The following HS3ST2 variants were observed in gnomAD, a reference collection of about 807,000 sequenced individuals.
The protein encoded by HS3ST2 is heparan sulfate-glucosamine 3-sulfotransferase 2.
HS3ST2 carries 17 observed loss-of-function variants against 26.3 expected under a neutral mutation model. That is an observed-to-expected ratio of 0.65 (90% confidence interval 0.44 to 0.97). The LOEUF is 0.97. HS3ST2 is among the 50% of genes least tolerant of loss of function. HS3ST2 has a pLI of 0.00. For missense variants in HS3ST2, 402 were observed against 501.2 expected (o/e 0.80, Z 1.89); for synonymous variants, 237 against 219.2 (o/e 1.08, Z -0.72).
At chr16:22,824,903 C>T (rs758048499) in intron 1 of HS3ST2, among the ~76,000 whole-genome samples, 9 of 152,090 alleles carry the variant, frequency 5.9e-5, no homozygotes, top group Non-Finnish European at 1.3e-4. Flanking sequence ...CAGATCAACC[C>T]TGAGGCTGAT....
chr16:22,912,123 C>T (rs142010112), intron 1 of HS3ST2, among the ~76,000 whole-genome samples: 5 of 152,214 alleles, frequency 3.3e-5, no homozygotes, highest in African/African-American at 1.2e-4. Context: ...GACTCTGTCA[C>T]GCACACACAC....
intron 1 of HS3ST2, among the ~76,000 whole-genome samples, chr16:22,905,538 G>T (rs1290787407): frequency 6.6e-6 from 1 of 151,858 alleles, no homozygotes; most frequent in African/African-American, 2.4e-5. Context: ...ATCTTCACCA[G>T]TACAAACAAT....
At chr16:22,829,561 A>G (rs932376039) in intron 1 of HS3ST2, among the ~76,000 whole-genome samples, 1 of 152,176 alleles carries the variant, frequency 6.6e-6, no homozygotes. Flanking sequence ...ACTGATTCAT[A>G]ACTGTTATAG....
chr16:22,832,268 A>G (rs1335450003), intron 1 of HS3ST2, among the ~76,000 whole-genome samples: 3 of 151,758 alleles, frequency 2.0e-5, no homozygotes, highest in Non-Finnish European at 4.4e-5. Context: ...AAGTGCTAGG[A>G]TCACAGGCAT....
chr16:22,856,920 A>G (rs1901604219), intron 1 of HS3ST2, among the ~76,000 whole-genome samples: 1 of 152,206 alleles, frequency 6.6e-6, no homozygotes, highest in Admixed American at 6.5e-5. Flanking sequence ...TGCAGGTGTC[A>G]TTCAAGGGTA....
intron 1 of HS3ST2, among the ~76,000 whole-genome samples, chr16:22,851,901 G>T (rs1901523957): frequency 6.6e-6 from 1 of 152,134 alleles, no homozygotes; most frequent in Non-Finnish European, 1.5e-5. Context: ...TGCTTATGGG[G>T]TTGTCCTTCT....
Position 22,814,750 on chromosome 16 carries a change from G to A in HS3ST2, c.140G>A (p.Ser47Asn). ...FLCCCDDLGR[S>N]RLLGAPRCLR... Reference sequence around the variant, plus strand: ...TGCTGCTGCGACGACCTGGGTCGGAGCCGCCTCCTCGGCGCGCCTCGCTGC... The same window carrying A: ...TGCTGCTGCGACGACCTGGGTCGGAACCGCCTCCTCGGCGCGCCTCGCTGC... The change falls in exon 1 of 2, where the codon AGC becomes AAC. Residue 47 changes from serine (S) to asparagine (N), a missense_variant. Coordinates refer to ENST00000261374, the MANE Select transcript of HS3ST2 (RefSeq NM_006043.2). 1 of 1,607,662 alleles carries A rather than the reference G, an allele frequency of 6.2e-7. No homozygotes were observed. Among genetic ancestry groups the A allele is most frequent in the Non-Finnish European group, 8.5e-7 (1 of 1,177,984 alleles).
intron 1 of HS3ST2, among the ~76,000 whole-genome samples, chr16:22,892,673 C>T (rs1902146654): frequency 6.6e-6 from 1 of 152,076 alleles, no homozygotes; most frequent in Admixed American, 6.6e-5. Context: ...TATCTTAATA[C>T]TTTGACAGGA....
chr16:22,850,264 C>T (rs1162006325), intron 1 of HS3ST2, among the ~76,000 whole-genome samples: 1 of 151,956 alleles, frequency 6.6e-6, no homozygotes, highest in Non-Finnish European at 1.5e-5. Context: ...GTGGCAGCAA[C>T]TGTAACTGTT....
In HS3ST2 at chr16:22,882,551, T is replaced by A. The variant is rs536320265; in HGVS notation, c.486-32393T>A. On this transcript the variant is annotated intron_variant, in intron 1 of 1. Coordinates refer to ENST00000261374, the MANE Select transcript of HS3ST2 (RefSeq NM_006043.2). ...GAGTTTGACACCAGCCTGGCCAGCA[T>A]GACGAAACCCTGTCTCCACTAAAAA... 3.3e-5 allele frequency among the ~76,000 whole-genome samples: 5 copies of A among 152,044 alleles called. No homozygotes were observed. In the South Asian group the frequency reaches 8.3e-4, roughly 25 times the overall value.
intron 1 of HS3ST2, among the ~76,000 whole-genome samples, chr16:22,819,025 T>C (rs1468863280): frequency 1.8e-5 from 1 of 55,518 alleles, no homozygotes; most frequent in African/African-American, 7.9e-5. Context: ...CTCCCTTCCT[T>C]CCTTCCTTCC....
At chr16:22,827,138 A>G (rs1901099771) in intron 1 of HS3ST2, among the ~76,000 whole-genome samples, 1 of 152,146 alleles carries the variant, frequency 6.6e-6, no homozygotes, top group Non-Finnish European at 1.5e-5. Flanking sequence ...TGGGAGAAGA[A>G]TGTTCTAGCA....
In HS3ST2 at chr16:22,897,870, A is replaced by G. The variant is rs919973860; in HGVS notation, c.486-17074A>G. ...TCCTTGATGATATTCTGTGGTATTT[A>G]TATGAGATAATACATGTAAAAGCTC... On this transcript the variant is annotated intron_variant, in intron 1 of 1. Coordinates refer to ENST00000261374, the MANE Select transcript of HS3ST2 (RefSeq NM_006043.2). Among the ~76,000 whole-genome samples, 6 of 25,700 alleles carry G rather than the reference A, an allele frequency of 2.3e-4. 2 individuals are homozygous for G. Among genetic ancestry groups the G allele is most frequent in the Non-Finnish European group, 2.7e-4 (4 of 14,708 alleles). 16.9% of individuals were successfully genotyped at this position (25,700 alleles called of 152,430 possible). A position where few individuals can be genotyped will look rare whatever the true frequency, so the allele number is the denominator to read the frequency against.
rs763351541 is a variant in HS3ST2 at position 22,915,457 on chromosome 16, T to G, written c.999T>G (p.Thr333=). The part of the protein sequence containing the change: ...PRCLGKSKGR[T]HVQIDPEVID... ...GCTTGGGCAAATCAAAAGGGAGAAC[T>G]CATGTACAGATTGATCCTGAAGTGA... is the stretch of plus-strand genomic sequence containing the variant. Residue 333 remains threonine, a synonymous_variant, in exon 2 of 2, where the codon ACT becomes ACG. Coordinates refer to ENST00000261374, the MANE Select transcript of HS3ST2 (RefSeq NM_006043.2). 1 of 1,613,486 alleles carries G rather than the reference T, an allele frequency of 6.2e-7. No homozygotes were observed.
chr16:22,899,040 T>C (rs2141203682), intron 1 of HS3ST2, among the ~76,000 whole-genome samples: 1 of 152,320 alleles, frequency 6.6e-6, no homozygotes, highest in South Asian at 2.1e-4. Flanking sequence ...GGGGCAGGCT[T>C]GCGGAACTCA....
chr16:22,863,441 T>C (rs953032888), intron 1 of HS3ST2, among the ~76,000 whole-genome samples: 4 of 152,200 alleles, frequency 2.6e-5, no homozygotes, highest in East Asian at 1.9e-4. Flanking sequence ...TAATTTTAAC[T>C]TTTATTTTAG....
At chr16:22,870,340 C>T (rs1901817473) in intron 1 of HS3ST2, among the ~76,000 whole-genome samples, 1 of 152,154 alleles carries the variant, frequency 6.6e-6, no homozygotes, top group African/African-American at 2.4e-5. Context: ...CACTCTCAGC[C>T]AAGCCACCAT....
intron 1 of HS3ST2, among the ~76,000 whole-genome samples, chr16:22,891,604 T>TTTGTAA (rs1902130781): frequency 1.3e-5 from 2 of 152,222 alleles, no homozygotes; most frequent in Non-Finnish European, 2.9e-5. Context: ...AAAAAATCAA[T>TTTGTAA]TTTAAAATTA....
chr16:22,841,797 T>G (rs1016728378), intron 1 of HS3ST2, among the ~76,000 whole-genome samples: 1 of 152,224 alleles, frequency 6.6e-6, no homozygotes, highest in Non-Finnish European at 1.5e-5. Context: ...GTTTTTTTCA[T>G]AGGTGAATTC....
Sources: allele counts gnomAD v4.1 joint callset (sites outside exome capture counted in the v4.1 genomes callset), GRCh38; gene constraint gnomAD v4.1.1; transcripts MANE v1.5; gene names NCBI Gene and HGNC (gene_info 2026-07-23, HGNC 2026-07-21).